The following CALN1 variants were observed in gnomAD, a reference collection of about 807,000 sequenced individuals.
The protein encoded by CALN1 is calcium-binding protein 8.
CALN1 carries 17 observed loss-of-function variants against 30.6 expected under a neutral mutation model. That is an observed-to-expected ratio of 0.56 (90% confidence interval 0.38 to 0.83). The LOEUF (loss-of-function observed/expected upper bound fraction) is 0.83, where lower values mean the gene tolerates loss of function less well. Ranked by LOEUF, CALN1 falls within the 40% of genes least tolerant of loss-of-function variation. The probability of loss-of-function intolerance (pLI) is 0.00; values close to 1 mark genes in which losing one functional copy is unlikely to be tolerated. For synonymous variants in CALN1, 156 were observed against 131.4 expected, an observed-to-expected ratio of 1.19 and a Z score of -1.28; for missense variants, 291 against 354.9, an observed-to-expected ratio of 0.82 and a Z score of 1.45.
chr7:72,083,280 G>A (rs1805272268), intron 4 of CALN1, among the ~76,000 whole-genome samples: 1 of 152,192 alleles, frequency 6.6e-6, no homozygotes, highest in African/African-American at 2.4e-5. Context: ...TCCAGATGTT[G>A]TAAGGATCAG....
intron 2 of CALN1, among the ~76,000 whole-genome samples, chr7:72,341,941 A>G (rs1395332979): frequency 6.6e-6 from 1 of 152,100 alleles, no homozygotes; most frequent in Non-Finnish European, 1.5e-5. Context: ...GCCTTAGGAC[A>G]CTAAGCTCAG....
chr7:72,487,608 C>T, the CALN1 span, among the ~76,000 whole-genome samples: 1 of 150,388 alleles, frequency 6.6e-6, no homozygotes. Flanking sequence ...ATCGGGTGAA[C>T]CCAGGAGGCA....
At chr7:71,892,758 C>T (rs1793314534) in intron 5 of CALN1, among the ~76,000 whole-genome samples, 1 of 152,240 alleles carries the variant, frequency 6.6e-6, no homozygotes, top group African/African-American at 2.4e-5. Context: ...TCCTCATTCA[C>T]AGGCTTGAGA....
At chr7:72,145,854 G>A (rs1786672595) in intron 3 of CALN1, among the ~76,000 whole-genome samples, 1 of 152,170 alleles carries the variant, frequency 6.6e-6, no homozygotes, top group Non-Finnish European at 1.5e-5. Context: ...CATATAAACA[G>A]AATCAAGGAC....
chr7:72,388,700 CAG>C (rs377402191), intron 2 of CALN1, among the ~76,000 whole-genome samples: 154 of 151,330 alleles, frequency 1.0e-3, no homozygotes, highest in Admixed American at 3.8e-3. Context: ...CCTAAAAATG[CAG>C]AGAGAGAGAG....
intron 5 of CALN1, among the ~76,000 whole-genome samples, chr7:71,895,557 C>T: frequency 6.6e-6 from 1 of 152,184 alleles, no homozygotes; most frequent in East Asian, 1.9e-4. Flanking sequence ...GGCTGACTTT[C>T]CCCACTCCCT....
At chr7:72,209,362 T>G (rs1585171142) in intron 3 of CALN1, among the ~76,000 whole-genome samples, 1 of 24,800 alleles carries the variant, frequency 4.0e-5, no homozygotes, top group African/African-American at 3.2e-4. Context: ...CCTTCCCTCT[T>G]TCCTTCCCTC....
chr7:72,097,339 C>A (rs1476077337), intron 4 of CALN1, among the ~76,000 whole-genome samples: 2 of 152,192 alleles, frequency 1.3e-5, no homozygotes, highest in Non-Finnish European at 2.9e-5. Flanking sequence ...AGAAATCAGT[C>A]AAATACATCC....
At chr7:72,044,358 C>T (rs1802326435) in intron 4 of CALN1, among the ~76,000 whole-genome samples, 1 of 151,510 alleles carries the variant, frequency 6.6e-6, no homozygotes. Flanking sequence ...GCCAAGCCAC[C>T]TCACCCCTGT....
intron 4 of CALN1, among the ~76,000 whole-genome samples, chr7:72,057,383 C>CTTTTTTTTTTTTTTTT (rs60838093): frequency 2.0e-5 from 2 of 101,910 alleles, no homozygotes; most frequent in African/African-American, 3.7e-5. Flanking sequence ...TTTAAATGTT[C>CTTTTTTTTTTTTTTTT]TTTTTTTTTT....
At chr7:72,033,893 C>T (rs1801614464) in intron 4 of CALN1, among the ~76,000 whole-genome samples, 1 of 151,920 alleles carries the variant, frequency 6.6e-6, no homozygotes, top group Admixed American at 6.6e-5. Context: ...TTAGTTAAGA[C>T]AATAGGGAAG....
intron 2 of CALN1, among the ~76,000 whole-genome samples, chr7:72,338,148 T>A (rs1212202337): frequency 6.6e-6 from 1 of 152,132 alleles, no homozygotes; most frequent in Non-Finnish European, 1.5e-5. Context: ...CGCTTGCCAG[T>A]TCCTTTCTGC....
At chr7:72,408,674 C>CTTTTT (rs1562955748) in intron 1 of CALN1, among the ~76,000 whole-genome samples, 5 of 15,960 alleles carry the variant, frequency 3.1e-4, no homozygotes, top group East Asian at 2.3e-3. Flanking sequence ...ATTATCTTTT[C>CTTTTT]CTTTTTTTTT....
chr7:72,448,442 CCT>C (rs1808586113), upstream of CALN1, among the ~76,000 whole-genome samples: 1 of 151,978 alleles, frequency 6.6e-6, no homozygotes, highest in Admixed American at 6.6e-5. Flanking sequence ...TCCCACGCTG[CCT>C]CTTTTTGCTT....
intron 2 of CALN1, among the ~76,000 whole-genome samples, chr7:72,329,751 C>A (rs1423395626): frequency 6.6e-6 from 1 of 151,494 alleles, no homozygotes; most frequent in Non-Finnish European, 1.5e-5. Flanking sequence ...GTCAGGAGTT[C>A]GAGACCAGCG....
chr7:72,366,580 T>A (rs1056860685), intron 2 of CALN1, among the ~76,000 whole-genome samples: 1 of 152,074 alleles, frequency 6.6e-6, no homozygotes, highest in Middle Eastern at 3.2e-3. Flanking sequence ...AGTGCACCAG[T>A]CATCTGAGCA....
intron 3 of CALN1, among the ~76,000 whole-genome samples, chr7:72,122,712 C>A (rs777603859): frequency 3.4e-4 from 52 of 152,136 alleles, no homozygotes; most frequent in Non-Finnish European, 1.5e-4. Context: ...GATGACAGAG[C>A]AAGACACTGC....
At chr7:72,219,171 G>A (rs1305823799) in intron 3 of CALN1, among the ~76,000 whole-genome samples, 4 of 152,246 alleles carry the variant, frequency 2.6e-5, no homozygotes, top group South Asian at 2.1e-4. Context: ...CATAGAAGAG[G>A]AAAAATTCTT....
At chr7:71,988,380 G>T (rs563217721) in intron 5 of CALN1, among the ~76,000 whole-genome samples, 2 of 152,226 alleles carry the variant, frequency 1.3e-5, no homozygotes, top group East Asian at 3.9e-4. Flanking sequence ...CCAAAGGTGT[G>T]TGCGCGCATC....
Sources: gnomAD v4.1 joint callset for allele counts (sites outside exome capture counted in the v4.1 genomes callset) on GRCh38, gnomAD v4.1.1 for gene constraint, MANE v1.5 for transcripts, NCBI Gene and HGNC (gene_info 2026-07-23, HGNC 2026-07-21) for gene names.